MRC1: variants seen among roughly 807,000 people sequenced by gnomAD.
The protein encoded by MRC1 is macrophage mannose receptor 1.
MRC1 carries 62 observed loss-of-function variants against 102.9 expected under a neutral mutation model. The observed-to-expected ratio is 0.60, with a 90% CI of 0.49 to 0.74. The LOEUF (loss-of-function observed/expected upper bound fraction) is 0.74, where lower values mean the gene tolerates loss of function less well. Among genes scored for constraint, MRC1 ranks in the 30% least tolerant of loss-of-function variants. MRC1 has a pLI of 0.00. For synonymous variants in MRC1, 457 were observed against 298.4 expected (o/e 1.53, Z -5.48); for missense variants, 1,237 against 862.8 (o/e 1.43, Z -5.43).
chr10:17,860,223 A>C (rs1833162604), intron 9 of MRC1, among the ~76,000 whole-genome samples: 1 of 151,418 alleles, frequency 6.6e-6, no homozygotes, highest in Non-Finnish European at 1.5e-5. Flanking sequence ...CTTCTTCTCA[A>C]ACTCTAGCAT....
intron 6 of MRC1, among the ~76,000 whole-genome samples, chr10:17,845,650 A>G (rs1246029307): frequency 6.6e-6 from 1 of 152,114 alleles, no homozygotes; most frequent in Non-Finnish European, 1.5e-5. Flanking sequence ...CCTCTGACCT[A>G]AATAAAAATG....
At chr10:17,831,231 G>A (rs1838567535) in intron 3 of MRC1, among the ~76,000 whole-genome samples, 1 of 150,906 alleles carries the variant, frequency 6.6e-6, no homozygotes, top group African/African-American at 2.5e-5. Flanking sequence ...TCCTCCAGTT[G>A]TCTAAAACGA....
At chr10:17,848,849 G>A (rs1838868506) in intron 6 of MRC1, among the ~76,000 whole-genome samples, 1 of 152,086 alleles carries the variant, frequency 6.6e-6, no homozygotes, top group African/African-American at 2.4e-5. Flanking sequence ...GAGGCAACAA[G>A]TGGCTGACTC....
At chr10:17,832,532 G>A (rs1838591284) in intron 3 of MRC1, among the ~76,000 whole-genome samples, 1 of 148,872 alleles carries the variant, frequency 6.7e-6, no homozygotes, top group Non-Finnish European at 1.5e-5. Context: ...TCCAGCCTGG[G>A]CGACAGAGCG....
intron 21 of MRC1, 76 bp downstream of exon 21, chr10:17,881,257 C>T (rs1833512009): frequency 6.7e-6 from 5 of 741,116 alleles, no homozygotes; most frequent in South Asian, 4.4e-5. Context: ...ATATTGCTGA[C>T]AGTAACTGAC....
chr10:17,813,722 G>C (rs1411639833), intron 1 of MRC1, among the ~76,000 whole-genome samples: 2 of 140,220 alleles, frequency 1.4e-5, no homozygotes, highest in South Asian at 4.6e-4. Context: ...TTTTGAGACA[G>C]GGTCTCACTC....
chr10:17,828,060 A>G (rs1838508486), intron 3 of MRC1, among the ~76,000 whole-genome samples: 1 of 152,096 alleles, frequency 6.6e-6, no homozygotes, highest in African/African-American at 2.4e-5. Flanking sequence ...CATTCCCTCC[A>G]TCAAGTGACC....
chr10:17,811,283 G>A (rs1315160113), intron 1 of MRC1, among the ~76,000 whole-genome samples: 4 of 152,254 alleles, frequency 2.6e-5, no homozygotes, highest in Middle Eastern at 3.4e-3. Flanking sequence ...TACATGAGGT[G>A]ACTGGCTATC....
At chr10:17,870,153 G>C (rs1224149748) in intron 12 of MRC1, 93 bp from the exon 13 acceptor site, 2 of 710,168 alleles carry the variant, frequency 2.8e-6, no homozygotes, top group Non-Finnish European at 5.1e-6. Context: ...TTGTTTTTCT[G>C]TAAATGAACT....
chr10:17,869,454 G>T (rs1833323700), intron 12 of MRC1, among the ~76,000 whole-genome samples: 1 of 152,072 alleles, frequency 6.6e-6, no homozygotes, highest in Admixed American at 6.6e-5. Flanking sequence ...TTCCCACAAG[G>T]CTGTGATGTG....
chr10:17,868,145 A>G (rs1260293145), intron 12 of MRC1, among the ~76,000 whole-genome samples: 1 of 152,380 alleles, frequency 6.6e-6, no homozygotes, highest in East Asian at 1.9e-4. Flanking sequence ...TATAAGTCAC[A>G]TCCTTTCTGG....
At chr10:17,841,013 G>C (rs1838741631) in intron 5 of MRC1, among the ~76,000 whole-genome samples, 1 of 152,192 alleles carries the variant, frequency 6.6e-6, no homozygotes, top group African/African-American at 2.4e-5. Context: ...ATAGGGATTT[G>C]TCTGCCAGGA....
intron 4 of MRC1, among the ~76,000 whole-genome samples, chr10:17,836,726 C>T (rs1838669609): frequency 1.3e-5 from 2 of 152,006 alleles, no homozygotes; most frequent in South Asian, 4.2e-4. Flanking sequence ...TTCCCAGCTA[C>T]TCGGGAGGCT....
At chr10:17,850,919 G>A (rs1838905387) in intron 7 of MRC1, among the ~76,000 whole-genome samples, 1 of 152,164 alleles carries the variant, frequency 6.6e-6, no homozygotes, top group Non-Finnish European at 1.5e-5. Flanking sequence ...AGTGTCTTAG[G>A]CCACGAGAAT....
At chr10:17,850,961 G>A (rs1479583798) in intron 7 of MRC1, among the ~76,000 whole-genome samples, 1 of 152,100 alleles carries the variant, frequency 6.6e-6, no homozygotes, top group Non-Finnish European at 1.5e-5. Context: ...CAATTTCTTG[G>A]TTATTCTGTG....
At chr10:17,897,909 C>T (rs2130713910) in intron 23 of MRC1, 125 bp from the exon 24 acceptor site, 1 of 750,142 alleles carries the variant, frequency 1.3e-6, no homozygotes, top group East Asian at 2.4e-5. Flanking sequence ...ATATTTCTAA[C>T]AGCTGAATGT....
At chr10:17,850,125 C>G (rs1838891513) in intron 7 of MRC1, among the ~76,000 whole-genome samples, 1 of 151,704 alleles carries the variant, frequency 6.6e-6, no homozygotes, top group Non-Finnish European at 1.5e-5. Context: ...GTGTGTGTAT[C>G]TTCTTTTTTT....
intron 12 of MRC1, among the ~76,000 whole-genome samples, chr10:17,868,236 G>A (rs986589631): frequency 2.0e-5 from 3 of 152,106 alleles, no homozygotes; most frequent in Non-Finnish European, 4.4e-5. Context: ...TACTACCCAA[G>A]ACTGGGTAAT....
At chr10:17,885,612 T>C (rs1056684050) in intron 22 of MRC1, among the ~76,000 whole-genome samples, 177 bp downstream of exon 22, 1 of 152,246 alleles carries the variant, frequency 6.6e-6, no homozygotes, top group Non-Finnish European at 1.5e-5. Context: ...TAAATTCAGT[T>C]AAAAAATCTT....
Sources: allele counts gnomAD v4.1 joint callset (sites outside exome capture counted in the v4.1 genomes callset), GRCh38; gene constraint gnomAD v4.1.1; transcripts MANE v1.5; gene names NCBI Gene and HGNC (gene_info 2026-07-23, HGNC 2026-07-21).